ADAM12: variants seen among roughly 807,000 people sequenced by gnomAD.
The protein encoded by ADAM12 is disintegrin and metalloproteinase domain-containing protein 12.
A neutral mutation model predicts 106.4 loss-of-function variants in ADAM12; 70 were observed. That is an observed-to-expected ratio of 0.66 (90% CI 0.54 to 0.80). The LOEUF is 0.80. Among genes scored for constraint, ADAM12 ranks in the 30% least tolerant of loss-of-function variants. ADAM12 has a pLI of 0.00. For synonymous variants in ADAM12, 420 were observed against 433.5 expected (o/e 0.97, Z 0.39); for missense variants, 1,010 against 1,171.9 (o/e 0.86, Z 2.02).
chr10:126,288,036 C>T (rs1399048248), intron 2 of ADAM12, among the ~76,000 whole-genome samples: 1 of 151,830 alleles, frequency 6.6e-6, no homozygotes, highest in East Asian at 1.9e-4. Flanking sequence ...AGAGGAGACC[C>T]CAAAGCTGCA....
intron 2 of ADAM12, among the ~76,000 whole-genome samples, chr10:126,290,042 C>T (rs2133776991): frequency 6.6e-6 from 1 of 152,240 alleles, no homozygotes; most frequent in South Asian, 2.1e-4. Context: ...CACAAGCGTT[C>T]CTGAAGGCAG....
chr10:126,283,828 T>G (rs1959709660), intron 2 of ADAM12, among the ~76,000 whole-genome samples: 1 of 152,220 alleles, frequency 6.6e-6, no homozygotes, highest in Admixed American at 6.5e-5. Flanking sequence ...AAATCCTTCA[T>G]GGTTTAAAGT....
chr10:126,069,733 A>G (rs1397439652), intron 12 of ADAM12, among the ~76,000 whole-genome samples: 4 of 152,084 alleles, frequency 2.6e-5, no homozygotes, highest in African/African-American at 9.7e-5. Context: ...TGGAGATGGC[A>G]GTGGTTACAA....
chr10:126,185,865 C>A (rs1187414324), intron 3 of ADAM12, among the ~76,000 whole-genome samples: 1 of 152,126 alleles, frequency 6.6e-6, no homozygotes, highest in Non-Finnish European at 1.5e-5. Context: ...TGAATCAACT[C>A]CTGAGGGAAT....
chr10:126,262,932 G>A (rs1026209422), intron 3 of ADAM12, among the ~76,000 whole-genome samples: 1 of 152,140 alleles, frequency 6.6e-6, no homozygotes, highest in Non-Finnish European at 1.5e-5. Context: ...CCCAGATGAG[G>A]AATCTCAGAC....
intron 5 of ADAM12, among the ~76,000 whole-genome samples, chr10:126,121,613 A>C (rs1384968906): frequency 1.3e-5 from 2 of 149,994 alleles, no homozygotes; most frequent in African/African-American, 4.9e-5. Context: ...GGTATACATC[A>C]ATCCTCGAGG....
intron 3 of ADAM12, among the ~76,000 whole-genome samples, chr10:126,250,415 T>C (rs551953329): frequency 7.9e-5 from 12 of 152,178 alleles, no homozygotes; most frequent in African/African-American, 2.9e-4. Flanking sequence ...TGTAGTCAAG[T>C]TTACCATATG....
chr10:126,346,245 G>A (rs1393562313), intron 1 of ADAM12, among the ~76,000 whole-genome samples: 1 of 152,140 alleles, frequency 6.6e-6, no homozygotes, highest in Admixed American at 6.5e-5. Flanking sequence ...TGGTTTCAAA[G>A]AACATCTTTA....
chr10:126,033,987 A>AAAGTT (rs1257915277), intron 21 of ADAM12, among the ~76,000 whole-genome samples: 1 of 152,230 alleles, frequency 6.6e-6, no homozygotes. Context: ...AATAATAAGC[A>AAAGTT]AAGTTAAGTT....
At chr10:126,058,157 T>C (rs553356277) in intron 14 of ADAM12, among the ~76,000 whole-genome samples, 1 of 152,294 alleles carries the variant, frequency 6.6e-6, no homozygotes, top group African/African-American at 2.4e-5. Context: ...CTTTCCCTCC[T>C]CCCAAGGTTG....
chr10:126,018,653 C>T (rs116028309), intron 22 of ADAM12, among the ~76,000 whole-genome samples: 1,832 of 152,258 alleles, frequency 0.012, 42 homozygotes, highest in African/African-American at 0.042. Flanking sequence ...TAACACCTAG[C>T]TTGCAAAATT....
chr10:126,223,960 G>T (rs1182351134), intron 3 of ADAM12, among the ~76,000 whole-genome samples: 1 of 152,178 alleles, frequency 6.6e-6, no homozygotes, highest in Non-Finnish European at 1.5e-5. Flanking sequence ...AGAGATGCTG[G>T]ATGACTGACC....
chr10:126,147,338 GAC>G (rs1434972143), intron 4 of ADAM12, among the ~76,000 whole-genome samples: 1 of 152,116 alleles, frequency 6.6e-6, no homozygotes, highest in Admixed American at 6.5e-5. Context: ...GCCTGACCCT[GAC>G]AGAGCAGGGG....
At position 126,036,226 on chromosome 10, in the gene ADAM12, G is replaced by A; in HGVS notation, c.2449C>T (p.Pro817Ser). ...PQPQSTQRVL[P>S]PLHRAPRAPS... is the part of the protein sequence containing the mutation. Reference sequence around the variant, plus strand: ...GCACGTGGAGCCCGGTGGAGGGGAGGAAGCACTCGCTGAGTTGACTGGGGC... The same window carrying A: ...GCACGTGGAGCCCGGTGGAGGGGAGAAAGCACTCGCTGAGTTGACTGGGGC... Residue 817 changes from proline to serine, a missense_variant, in exon 21 of 23, where the codon CCT (proline) becomes TCT (serine). Pro to Ser is a moderately conservative substitution (Grantham distance 74). Coordinates refer to ENST00000448723, the MANE Select transcript of ADAM12 (RefSeq NM_001288973.2). 1 of 1,550,918 alleles carries A rather than the reference G, an allele frequency of 6.4e-7. No individual in the cohort carries two copies. The highest frequency in any genetic ancestry group is 8.7e-7 in the Non-Finnish European group (1 of 1,153,858).
At chr10:126,047,178 G>A (rs187402958) in intron 16 of ADAM12, among the ~76,000 whole-genome samples, 35 of 152,302 alleles carry the variant, frequency 2.3e-4, no homozygotes, top group Admixed American at 1.7e-3. Context: ...TTACAAATCC[G>A]TGGAGTCAAA....
rs58488226 is a variant in ADAM12 at position 126,284,332 on chromosome 10, CAAAAAAA to C, written c.187-5351_187-5345del. On this transcript the variant is annotated intron_variant, in intron 2 of 22. Transcript: ENST00000448723. Reference sequence around the variant, plus strand: ...TGGATGACAGAGCAAGACTCCATCTCAAAAAAAAAAAAAAAAAAAAAAAAAAGACCTA... The same window carrying C: ...TGGATGACAGAGCAAGACTCCATCTCAAAAAAAAAAAAAAAAAAAGACCTA... Among the ~76,000 whole-genome samples, 24 of 46,524 alleles carry C rather than the reference CAAAAAAA, an allele frequency of 5.2e-4. 1 individual carries two copies. Among genetic ancestry groups the C allele is most frequent in the East Asian group, 3.8e-3 (5 of 1,328 alleles). 30.5% of individuals were successfully genotyped at this position (46,524 alleles called of 152,430 possible). A position where few individuals can be genotyped will look rare whatever the true frequency, so the allele number is the denominator to read the frequency against.
chr10:126,227,876 G>A (rs567105049), intron 3 of ADAM12, among the ~76,000 whole-genome samples: 1 of 152,318 alleles, frequency 6.6e-6, no homozygotes, highest in Admixed American at 6.5e-5. Flanking sequence ...AGGACAGTGA[G>A]GAGGGAGCTG....
intron 1 of ADAM12, among the ~76,000 whole-genome samples, chr10:126,376,038 G>T (rs535153460): frequency 2.5e-4 from 38 of 149,944 alleles, no homozygotes; most frequent in Non-Finnish European, 5.3e-4. Context: ...ATGAGTCACT[G>T]GGCCTGGCTA....
chr10:126,063,142 A>G (rs1954792277), intron 14 of ADAM12, among the ~76,000 whole-genome samples: 2 of 152,202 alleles, frequency 1.3e-5, no homozygotes, highest in African/African-American at 4.8e-5. Context: ...AGGATGAAGT[A>G]CTAAGGGCCC....
Sources: gnomAD v4.1 joint callset for allele counts (sites outside exome capture counted in the v4.1 genomes callset) on GRCh38, gnomAD v4.1.1 for gene constraint, MANE v1.5 for transcripts, NCBI Gene and HGNC (gene_info 2026-07-23, HGNC 2026-07-21) for gene names.